Variants in ASPH observed in about 807,000 individuals in gnomAD.
ASPH encodes the protein aspartyl/asparaginyl beta-hydroxylase.
In ASPH, 100 loss-of-function variants were observed where a neutral mutation model predicts 118.4. That is an observed-to-expected ratio of 0.84 (90% CI 0.72 to 1.00). The LOEUF (loss-of-function observed/expected upper bound fraction) is 1.00. Ranked by LOEUF, ASPH falls within the 50% of genes least tolerant of loss-of-function variation. The probability of loss-of-function intolerance (pLI) is 0.00; values close to 1 mark genes in which losing one functional copy is unlikely to be tolerated. For synonymous variants in ASPH, 315 were observed against 325.6 expected, an observed-to-expected ratio of 0.97 and a Z score of 0.35; for missense variants, 920 against 919.5, an observed-to-expected ratio of 1.00 and a Z score of -0.01.
In ASPH at chr8:61,503,458, C is replaced by G. The variant is rs758835671; in HGVS notation, c.2178G>C (p.Glu726Asp). The G allele has an allele frequency of 1.2e-5, 19 of 1,613,058 alleles. No individual in the cohort carries two copies. The highest frequency in any genetic ancestry group is 1.6e-5 in the Non-Finnish European group (19 of 1,179,574). Residue 726 changes from glutamate to aspartate, a missense_variant, in exon 25 of 25, where the codon GAG becomes GAC. Glu to Asp is a conservative substitution (Grantham distance 45). Transcript: ENST00000379454. ...GGAAAGATGAGGCATCCTGCCATAC[C>G]TCGTGCTCAAAGGAGTCATCAAAGA... ...VLIFDDSFEH[E>D]VWQDASSFRL...
chr8:61,556,136 G>A, intron 18 of ASPH, 114 bp from the exon 19 acceptor site: 1 of 823,778 alleles, frequency 1.2e-6, no homozygotes, highest in Non-Finnish European at 1.9e-6. Flanking sequence ...TACTTGGATT[G>A]GATTATGATG....
chr8:61,700,684 A>C (rs1835039767), intron 1 of ASPH, among the ~76,000 whole-genome samples: 1 of 152,220 alleles, frequency 6.6e-6, no homozygotes, highest in Non-Finnish European at 1.5e-5. Context: ...GAATTTCCCC[A>C]ATGTTTTACT....
intron 21 of ASPH, among the ~76,000 whole-genome samples, chr8:61,538,803 T>C (rs1246765962): frequency 6.6e-6 from 1 of 152,264 alleles, no homozygotes; most frequent in Non-Finnish European, 1.5e-5. Context: ...TATATGATGC[T>C]ATTTTGGATC....
At chr8:61,712,556 T>C (rs1838300625) in intron 1 of ASPH, among the ~76,000 whole-genome samples, 1 of 152,242 alleles carries the variant, frequency 6.6e-6, no homozygotes. Context: ...TTCATGACTA[T>C]TAGAGAATCA....
chr8:61,705,470 C>G (rs774846115), intron 1 of ASPH, among the ~76,000 whole-genome samples: 9 of 151,976 alleles, frequency 5.9e-5, no homozygotes, highest in African/African-American at 1.9e-4. Context: ...AACAAGTGAC[C>G]GTGTACACAA....
At chr8:61,540,941 TAAG>T (rs1821636152) in intron 21 of ASPH, among the ~76,000 whole-genome samples, 2 of 151,280 alleles carry the variant, frequency 1.3e-5, no homozygotes, top group Non-Finnish European at 2.9e-5. Context: ...ATTTTAAAAA[TAAG>T]AATTGAAAAA....
At chr8:61,691,535 T>C (rs1832643616) in intron 1 of ASPH, among the ~76,000 whole-genome samples, 1 of 152,376 alleles carries the variant, frequency 6.6e-6, no homozygotes, top group Middle Eastern at 3.4e-3. Context: ...ACAAATATTC[T>C]GGAAGCTTCC....
intron 21 of ASPH, among the ~76,000 whole-genome samples, chr8:61,534,847 G>A (rs1349985959): frequency 6.6e-6 from 1 of 152,246 alleles, no homozygotes; most frequent in Non-Finnish European, 1.5e-5. Flanking sequence ...CCATAACAAA[G>A]TATCACTGGG....
chr8:61,648,992 A>G (rs1809514037), intron 5 of ASPH, among the ~76,000 whole-genome samples: 1 of 152,200 alleles, frequency 6.6e-6, no homozygotes, highest in Non-Finnish European at 1.5e-5. Flanking sequence ...TTACAAGGAA[A>G]AGAGAGGTCA....
In ASPH at chr8:61,603,020, C is replaced by T. The variant is rs374520895; in HGVS notation, c.976+15958G>A. ...CCAGTCTGGCCAACATGGTGAAACCCCATTTCTACTAAAAATGCAAAAATT... is the reference window on the plus strand; with the variant it reads ...CCAGTCTGGCCAACATGGTGAAACCTCATTTCTACTAAAAATGCAAAAATT... On this transcript the variant is annotated intron_variant, in intron 14 of 24. Transcript: ENST00000379454. 7.0e-3 allele frequency among the ~76,000 whole-genome samples: 1,054 copies of T among 151,570 alleles called. 3 individuals carry two copies. Among genetic ancestry groups the T allele is most frequent in the Middle Eastern group, 0.017 (5 of 292 alleles).
chr8:61,678,505 G>A (rs1025173906), intron 3 of ASPH, among the ~76,000 whole-genome samples: 1 of 151,972 alleles, frequency 6.6e-6, no homozygotes, highest in Non-Finnish European at 1.5e-5. Flanking sequence ...TGATGGTTAG[G>A]GGTCTTGATT....
At chr8:61,594,040 G>A (rs1841899847) in intron 14 of ASPH, among the ~76,000 whole-genome samples, 1 of 152,186 alleles carries the variant, frequency 6.6e-6, no homozygotes, top group Non-Finnish European at 1.5e-5. Flanking sequence ...AAGTAAGAAA[G>A]TCAGAAACCA....
intron 21 of ASPH, among the ~76,000 whole-genome samples, chr8:61,528,181 C>G (rs997907270): frequency 4.6e-5 from 7 of 152,154 alleles, no homozygotes; most frequent in African/African-American, 1.7e-4. Flanking sequence ...GTGGGCAGTT[C>G]ATGAAGAACA....
At chr8:61,620,657 C>T (rs1031349539) in intron 13 of ASPH, among the ~76,000 whole-genome samples, 4 of 152,102 alleles carry the variant, frequency 2.6e-5, no homozygotes, top group East Asian at 1.9e-4. Flanking sequence ...TTGTAGTCAT[C>T]GGAGATACAG....
chr8:61,513,317 A>C (rs1186432657), intron 24 of ASPH, among the ~76,000 whole-genome samples: 1 of 152,228 alleles, frequency 6.6e-6, no homozygotes, highest in Non-Finnish European at 1.5e-5. Context: ...CAGAGTTTAT[A>C]AACTGTCTAC....
chr8:61,664,274 ATAAT>A, intron 3 of ASPH: 1 of 968,212 alleles, frequency 1.0e-6, no homozygotes, highest in Non-Finnish European at 1.2e-6. Context: ...GAAATGGTAA[ATAAT>A]AATGACACAA....
At chr8:61,579,502 G>A (rs1836680908) in intron 15 of ASPH, 2 of 1,583,172 alleles carry the variant, frequency 1.3e-6, no homozygotes, top group East Asian at 2.2e-5. Context: ...TCGGCCTATG[G>A]GGGCCTCACA....
chr8:61,539,622 G>A (rs945853972), intron 21 of ASPH, among the ~76,000 whole-genome samples: 2 of 151,160 alleles, frequency 1.3e-5, no homozygotes, highest in Admixed American at 6.6e-5. Context: ...CCCTGGTGCC[G>A]GCTGTGACCA....
chr8:61,700,380 G>A (rs910724169), intron 1 of ASPH, among the ~76,000 whole-genome samples: 3 of 152,164 alleles, frequency 2.0e-5, no homozygotes, highest in Admixed American at 2.0e-4. Flanking sequence ...CATAAGCACC[G>A]AAAATGAGAT....
Sources: gnomAD v4.1 joint callset for allele counts (sites outside exome capture counted in the v4.1 genomes callset) on GRCh38, gnomAD v4.1.1 for gene constraint, MANE v1.5 for transcripts, NCBI Gene and HGNC (gene_info 2026-07-23, HGNC 2026-07-21) for gene names.